Variants in FARP2 observed in about 807,000 individuals in gnomAD.
The protein encoded by FARP2 is FERM, ARHGEF and pleckstrin domain-containing protein 2.
FARP2 carries 111 observed loss-of-function variants against 130.5 expected under a neutral mutation model. That is an observed-to-expected ratio of 0.85 (90% confidence interval 0.73 to 1.00). The LOEUF is 1.00. FARP2 is among the 50% of genes least tolerant of loss of function. The pLI is 0.00. For synonymous variants in FARP2, 504 were observed against 516.9 expected (o/e 0.98, Z 0.34); for missense variants, 1,385 against 1,346.3 (o/e 1.03, Z -0.45).
intron 1 of FARP2, among the ~76,000 whole-genome samples, chr2:241,366,138 TACACAC>T (rs1445444373): frequency 1.5e-4 from 21 of 138,298 alleles, no homozygotes; most frequent in South Asian, 2.4e-4. Flanking sequence ...TATATATATA[TACACAC>T]ACACATATAT....
chr2:241,483,486 C>CT lies in FARP2; in HGVS notation c.2286dup (p.His763SerfsTer50), dbSNP rs1559810899. 6.2e-7 allele frequency: 1 copy of CT among 1,614,244 alleles called. No individual in the cohort carries two copies. Among genetic ancestry groups the CT allele is most frequent in the South Asian group, 1.1e-5 (1 of 91,084 alleles). ...TCAGGAGTTCATCCGTGAGGGCTGCCTTCACAAGCTCACCAAGAAGGGCCT... is the reference window on the plus strand; with the variant it reads ...TCAGGAGTTCATCCGTGAGGGCTGCCTTTCACAAGCTCACCAAGAAGGGCCT... On this transcript the variant is annotated frameshift_variant, in exon 20 of 27. Coordinates refer to ENST00000264042, the MANE Select transcript of FARP2 (RefSeq NM_014808.4). LOFTEE classifies it high-confidence loss of function.
At chr2:241,385,177 TGA>T (rs1218784583) in intron 2 of FARP2, among the ~76,000 whole-genome samples, 9 of 152,182 alleles carry the variant, frequency 5.9e-5, no homozygotes, top group Admixed American at 2.0e-4. Flanking sequence ...TGGAGAAAAC[TGA>T]GAACACTAGA....
Position 241,465,956 on chromosome 2 carries a change from G to A in FARP2, c.1893+1976G>A, listed in dbSNP as rs879569401. 42 of 1,414,048 alleles carry A rather than the reference G, an allele frequency of 3.0e-5. No homozygotes were observed. In the Admixed American group the frequency reaches 9.8e-4, roughly 33 times the overall value. 87.6% of individuals were successfully genotyped at this position (1,414,048 alleles called of 1,614,324 possible). ...ACGGAAGCTGAGTCAGGTTGTTAAT[G>A]AGAAAGTTCTACTTATCCCAAAGGC... On this transcript the variant is annotated intron_variant, in intron 17 of 26. Coordinates refer to ENST00000264042, the MANE Select transcript of FARP2 (RefSeq NM_014808.4).
intron 8 of FARP2, among the ~76,000 whole-genome samples, chr2:241,427,143 G>A (rs928119138): frequency 6.6e-6 from 1 of 152,146 alleles, no homozygotes; most frequent in African/African-American, 2.4e-5. Context: ...GCTGAGGTAG[G>A]AGAATCGCTT....
At chr2:241,394,619 A>G (rs2061987079) in intron 2 of FARP2, among the ~76,000 whole-genome samples, 1 of 152,202 alleles carries the variant, frequency 6.6e-6, no homozygotes, top group African/African-American at 2.4e-5. Flanking sequence ...AGGCATCTAT[A>G]CAAATTATGG....
Position 241,403,885 on chromosome 2 carries a change from G to C in FARP2, c.241G>C (p.Glu81Gln). The change falls in exon 3 of 27, where the codon GAA becomes CAA. Residue 81 changes from glutamate to glutamine, a missense_variant. Physicochemically the swap from Glu to Gln is conservative, Grantham distance 29. Coordinates refer to ENST00000264042, the MANE Select transcript of FARP2 (RefSeq NM_014808.4). ...AGTGTGGAAGCGTTTAAACCTGGTA[G>C]AATGTGACTACTTCGGGATGGAGTT... ...TQVWKRLNLV[E>Q]CDYFGMEFQN... 1 of 1,613,890 alleles carries C rather than the reference G, an allele frequency of 6.2e-7. No homozygotes were observed. The highest frequency in any genetic ancestry group is 2.2e-5 in the East Asian group (1 of 44,880).
In FARP2 at chr2:241,455,538, G is replaced by T. The variant is rs573869503; in HGVS notation, c.1412-1209G>T. 7.9e-5 allele frequency among the ~76,000 whole-genome samples: 12 copies of T among 152,012 alleles called. No individual in the cohort carries two copies. The South Asian group carries it at 2.5e-3, about 32-fold the overall frequency. On this transcript the variant is annotated intron_variant, in intron 13 of 26. Coordinates refer to ENST00000264042, the MANE Select transcript of FARP2 (RefSeq NM_014808.4). Reference sequence around the variant, plus strand: ...TGGGATTACAGGCACCCGCCGCCATGCCCGGCTAATTTTTTGTATTTTTAG... The same window carrying T: ...TGGGATTACAGGCACCCGCCGCCATTCCCGGCTAATTTTTTGTATTTTTAG...
At chr2:241,439,985 C>G (rs1480350943) in intron 12 of FARP2, among the ~76,000 whole-genome samples, 1 of 151,920 alleles carries the variant, frequency 6.6e-6, no homozygotes, top group Non-Finnish European at 1.5e-5. Flanking sequence ...TAAATAAAAC[C>G]TTTACGCTTT....
intron 19 of FARP2, among the ~76,000 whole-genome samples, chr2:241,480,932 A>G (rs185714721): frequency 7.2e-5 from 11 of 152,170 alleles, no homozygotes; most frequent in South Asian, 2.1e-4. Context: ...TAGAAGTTCA[A>G]TGGGGGCTGG....
At chr2:241,483,964 G>A (rs2064690566) in intron 20 of FARP2, 2 of 1,307,304 alleles carry the variant, frequency 1.5e-6, no homozygotes, top group Non-Finnish European at 9.8e-7. Context: ...GGATGAGGAG[G>A]TAACTGAGTC....
In FARP2 at chr2:241,467,465, G is replaced by A. The variant is rs569012889; in HGVS notation, c.1894-675G>A. 1.9e-4 allele frequency among the ~76,000 whole-genome samples: 29 copies of A among 152,138 alleles called. No homozygotes were observed. The South Asian group carries it at 5.6e-3, about 29-fold the overall frequency. The stretch of plus-strand genomic sequence containing the variant: ...GTTCGAGACCAGCCTGGGCAACATG[G>A]TGAGACCCCCATCTCTATAAAAAAT... On this transcript the variant is annotated intron_variant, in intron 17 of 26. Coordinates refer to ENST00000264042, the MANE Select transcript of FARP2 (RefSeq NM_014808.4).
chr2:241,419,849 G>A (rs902636103), intron 8 of FARP2, among the ~76,000 whole-genome samples: 8 of 152,112 alleles, frequency 5.3e-5, no homozygotes, highest in African/African-American at 1.9e-4. Context: ...GGAATTAACC[G>A]TTAGAAAGCC....
At chr2:241,444,740 T>A (rs1334804738) in intron 13 of FARP2, 1 of 152,222 alleles carries the variant, frequency 6.6e-6, no homozygotes, top group Non-Finnish European at 1.5e-5. Flanking sequence ...TTGCTGTTTT[T>A]GGTTTGTGTT....
At chr2:241,433,823 C>T (rs1489347808) in intron 9 of FARP2, among the ~76,000 whole-genome samples, 1 of 152,132 alleles carries the variant, frequency 6.6e-6, no homozygotes, top group Non-Finnish European at 1.5e-5. Flanking sequence ...CTCAGGAGTT[C>T]AAGACCAGCC....
At chr2:241,435,908 A>ATTTTTT (rs34703186) in intron 11 of FARP2, among the ~76,000 whole-genome samples, 14 of 100,986 alleles carry the variant, frequency 1.4e-4, no homozygotes, top group Non-Finnish European at 1.8e-4. Flanking sequence ...AGTATAGTAA[A>ATTTTTT]TTTTTTTTTT....
Position 241,473,188 on chromosome 2 carries a change from G to T in FARP2, c.2132-2669G>T, listed in dbSNP as rs573410258. On this transcript the variant is annotated intron_variant, in intron 18 of 26. Transcript: ENST00000264042. ...GGGGATTCTGTTCTGTGGGCATCCT[G>T]TTCTGTGTGGATTCTGTTCTGTGAG... Among the ~76,000 whole-genome samples, 9 of 150,064 alleles carry T rather than the reference G, an allele frequency of 6.0e-5. No homozygotes were observed. The South Asian group carries it at 1.9e-3, about 32-fold the overall frequency.
chr2:241,420,949 G>GTGGATTCACCT (rs568301597), intron 8 of FARP2, among the ~76,000 whole-genome samples: 100 of 152,324 alleles, frequency 6.6e-4, no homozygotes, highest in Admixed American at 1.3e-3. Context: ...AAAGGGGTGA[G>GTGGATTCACCT]TGGATTCACC....
At chr2:241,434,040 A>G (rs1182263384) in intron 9 of FARP2, 118 bp from the exon 10 acceptor site, 32 of 832,224 alleles carry the variant, frequency 3.8e-5, no homozygotes, top group Non-Finnish European at 5.1e-5. Context: ...GTCTCAAAAA[A>G]AAACCTTACT....
intron 18 of FARP2, among the ~76,000 whole-genome samples, chr2:241,471,650 C>T (rs1170666525): frequency 1.3e-5 from 2 of 151,724 alleles, no homozygotes; most frequent in African/African-American, 2.4e-5. Context: ...CCCGACACCA[C>T]GCCTGTCTAA....
Sources: gnomAD v4.1 joint callset for allele counts (sites outside exome capture counted in the v4.1 genomes callset) on GRCh38, gnomAD v4.1.1 for gene constraint, MANE v1.5 for transcripts, NCBI Gene and HGNC (gene_info 2026-07-23, HGNC 2026-07-21) for gene names.